NUDT16L1: variants seen among roughly 807,000 people sequenced by gnomAD.
NUDT16L1 encodes nudix hydrolase 16 like 1, also known as tudor-interacting repair regulator protein.
In NUDT16L1, 19 loss-of-function variants were observed where a neutral mutation model predicts 17.3. The ratio of observed to expected loss-of-function variants is 1.10; its 90% CI spans 0.77 to 1.61. NUDT16L1 has a LOEUF of 1.61. Ranked by LOEUF, NUDT16L1 falls within the 40% of genes most tolerant of loss-of-function variation. NUDT16L1 has a pLI of 0.00. For synonymous variants in NUDT16L1, 255 were observed against 138.6 expected, an observed-to-expected ratio of 1.84 and a Z score of -5.90; for missense variants, 341 against 292.0, an observed-to-expected ratio of 1.17 and a Z score of -1.22.
At chr16:4,693,726 G>T in exon 1 of NUDT16L1, 9 of 1,527,830 alleles carry the variant, frequency 5.9e-6, no homozygotes, top group Non-Finnish European at 7.9e-6. Context: ...TCAGTGCCAA[G>T]ATGTCGACGG....
rs2079486702 is a variant in NUDT16L1, at chr16:4,694,377, G to A, written c.414+139G>A. ...GTCGCTGTCTCCAGCAATGGGGTGG[G>A]GAGAGGGGTCTGGGGCTGGGAGGCC... On this transcript the variant is annotated intron_variant, in intron 2 of 2. Transcript: ENST00000304301. The A allele has an allele frequency of 4.0e-6, 6 of 1,485,586 alleles. No homozygotes were observed. In the South Asian group the frequency reaches 5.2e-5, roughly 13 times the overall value. 92.0% of individuals were successfully genotyped at this position (1,485,586 alleles called of 1,614,324 possible). A position where few individuals can be genotyped will look rare whatever the true frequency, so the allele number is the denominator to read the frequency against.
At chr16:4,694,730 C>T (rs1434708274) in intron 2 of NUDT16L1, 6 of 1,257,364 alleles carry the variant, frequency 4.8e-6, no homozygotes, top group South Asian at 4.5e-5. Context: ...GGCCTGGGTA[C>T]GAGGGGGGGG....
exon 2 of NUDT16L1, chr16:4,694,199 G>A (rs1199493092): frequency 6.4e-7 from 1 of 1,558,128 alleles, no homozygotes; most frequent in South Asian, 1.2e-5. Flanking sequence ...TGCACGCCGT[G>A]GAGATCAGCG....
intron 2 of NUDT16L1, chr16:4,694,648 G>A: frequency 2.1e-6 from 3 of 1,422,114 alleles, no homozygotes; most frequent in South Asian, 3.1e-5. Context: ...GGTCTGGAAG[G>A]GCTGGACTGC....
At chr16:4,695,202 C>G in exon 3 of NUDT16L1, 1 of 1,606,408 alleles carries the variant, frequency 6.2e-7, no homozygotes, top group Non-Finnish European at 8.5e-7. Context: ...CTGGTGGCAC[C>G]CTCCCCTGGG....
At chr16:4,694,331 C>T (rs1255174434) in intron 2 of NUDT16L1, 93 bp downstream of exon 2, 5 of 1,489,394 alleles carry the variant, frequency 3.4e-6, no homozygotes, top group Admixed American at 2.2e-5. Context: ...CTGAGGGTCC[C>T]CTGGCCGGGC....
chr16:4,694,926 C>G, intron 2 of NUDT16L1, 32 bp from the exon 3 acceptor site: 2 of 1,580,682 alleles, frequency 1.3e-6, no homozygotes, highest in Non-Finnish European at 1.7e-6. Context: ...TGTGGCAGGC[C>G]TGGCCCCAAC....
exon 3 of NUDT16L1, chr16:4,695,051 A>C: frequency 6.2e-7 from 1 of 1,613,450 alleles, no homozygotes; most frequent in Non-Finnish European, 8.5e-7. Flanking sequence ...GAGCACGGCT[A>C]AGTGCCAGCT....
At chr16:4,694,539 G>T (rs1445972312) in intron 2 of NUDT16L1, 2 of 1,465,760 alleles carry the variant, frequency 1.4e-6, no homozygotes, top group Non-Finnish European at 1.8e-6. Context: ...GGGGAGGAGC[G>T]GGGATTGCTT....
rs143767115 is a variant in NUDT16L1 at position 4,695,104 on chromosome 16, G to C, written c.561G>C (p.Lys187Asn). The C allele has an allele frequency of 3.3e-5, 53 of 1,613,408 alleles. No individual in the cohort carries two copies. Among genetic ancestry groups the C allele is most frequent in the Non-Finnish European group, 4.2e-5 (50 of 1,180,026 alleles). Reference sequence around the variant, plus strand: ...TGCTCAACATGATGCCCGAGGAGAAGCTGGTTGAGGCCCTGGCTGCAGCCA... The same window carrying C: ...TGCTCAACATGATGCCCGAGGAGAACCTGGTTGAGGCCCTGGCTGCAGCCA... The change falls in exon 3 of 3, where the codon AAG becomes AAC. Residue 187 changes from lysine (K) to asparagine (N), a missense_variant. Transcript: ENST00000304301.
exon 2 of NUDT16L1, chr16:4,694,017 G>T: frequency 1.3e-6 from 2 of 1,584,786 alleles, no homozygotes; most frequent in Non-Finnish European, 8.5e-7. Flanking sequence ...CTTCCCCGGG[G>T]GCTTCGTGGA....
chr16:4,693,617 C>T, upstream of NUDT16L1: 2 of 1,232,008 alleles, frequency 1.6e-6, no homozygotes, highest in African/African-American at 1.6e-5. Flanking sequence ...CGGCGATTGG[C>T]GGGGGAACCG....
exon 3 of NUDT16L1, chr16:4,695,205 C>G: frequency 3.1e-6 from 5 of 1,604,230 alleles, no homozygotes; most frequent in Non-Finnish European, 4.3e-6. Flanking sequence ...GTGGCACCCT[C>G]CCCTGGGCCG....
At chr16:4,693,946 A>G in intron 1 of NUDT16L1, 32 bp from the exon 2 acceptor site, 1 of 1,507,796 alleles carries the variant, frequency 6.6e-7, no homozygotes, top group Non-Finnish European at 8.8e-7. Context: ...GCGTCCGTCG[A>G]CCCCGCGGCT....
exon 3 of NUDT16L1, chr16:4,695,721 G>C (rs957044254): frequency 1.5e-5 from 6 of 400,152 alleles, no homozygotes; most frequent in African/African-American, 1.2e-4. Context: ...TGAACTGTGG[G>C]TGAGGTTTCA....
intron 2 of NUDT16L1, 41 bp downstream of exon 2, chr16:4,694,279 T>A: frequency 6.8e-7 from 1 of 1,466,006 alleles, no homozygotes; most frequent in South Asian, 1.4e-5. Context: ...CCCCGGGGTT[T>A]GGCTCTGGCC....
exon 3 of NUDT16L1, chr16:4,695,121 C>G (rs1230855349): frequency 6.2e-7 from 1 of 1,613,406 alleles, no homozygotes; most frequent in Non-Finnish European, 8.5e-7. Flanking sequence ...GAGGCCCTGG[C>G]TGCAGCCACC....
chr16:4,693,798 G>C (rs768111199), exon 1 of NUDT16L1: 2 of 1,572,952 alleles, frequency 1.3e-6, no homozygotes, highest in African/African-American at 1.4e-5. Flanking sequence ...GGCCGGGCTG[G>C]AGCCACTCGT....
In NUDT16L1 at chr16:4,694,946, C is replaced by T. The variant is rs376589977; in HGVS notation, c.415-12C>T. 4.1e-5 allele frequency: 65 copies of T among 1,601,350 alleles called. No individual in the cohort carries two copies. The highest frequency in any genetic ancestry group is 1.7e-4 in the Middle Eastern group (1 of 6,048). ...CAGGCCTGGCCCCAACCCCTACCTC[C>T]TGTCTGCGCAGGTGCTGGGCCTCGT... On this transcript the variant is annotated splice_polypyrimidine_tract_variant and intron_variant, in intron 2 of 2. Transcript: ENST00000304301.
Sources: allele counts gnomAD v4.1 joint callset, GRCh38; gene constraint gnomAD v4.1.1; transcripts MANE v1.5; gene names NCBI Gene and HGNC (gene_info 2026-07-23, HGNC 2026-07-21).